The following PRKAR1B variants were observed in gnomAD, a reference collection of about 807,000 sequenced individuals.
The protein encoded by PRKAR1B is cAMP-dependent protein kinase type I-beta regulatory subunit.
A neutral mutation model predicts 46.5 loss-of-function variants in PRKAR1B; 22 were observed. The ratio of observed to expected loss-of-function variants is 0.47; its 90% CI spans 0.34 to 0.68. PRKAR1B has a LOEUF of 0.68. PRKAR1B is among the 30% of genes least tolerant of loss of function. The pLI is 0.01. For missense variants in PRKAR1B, 445 were observed against 535.6 expected, an observed-to-expected ratio of 0.83 and a Z score of 1.67; for synonymous variants, 259 against 217.7, an observed-to-expected ratio of 1.19 and a Z score of -1.67.
chr7:718,108 G>A (rs1780942277), intron 1 of PRKAR1B, among the ~76,000 whole-genome samples: 1 of 151,984 alleles, frequency 6.6e-6, no homozygotes, highest in Non-Finnish European at 1.5e-5. Flanking sequence ...AAGTGCACTT[G>A]GGAACGGTCC....
chr7:556,019 C>G lies in PRKAR1B; in HGVS notation c.892-4549G>C. 1.3e-5 allele frequency among the ~76,000 whole-genome samples: 2 copies of G among 152,224 alleles called. 1 individual carries two copies. The highest frequency in any genetic ancestry group is 2.9e-5 in the Non-Finnish European group (2 of 68,036). ...CTATGCTCATCCCAGCAGTGCGGCC[C>G]CTCCGGGCCCCTGTCTCCCTCTTGC... On this transcript the variant is annotated intron_variant, in intron 9 of 10. Coordinates refer to ENST00000537384, the MANE Select transcript of PRKAR1B (RefSeq NM_001164760.2).
chr7:721,087 C>CT (rs1338929445), intron 1 of PRKAR1B, among the ~76,000 whole-genome samples: 3 of 152,184 alleles, frequency 2.0e-5, no homozygotes, highest in African/African-American at 7.2e-5. Flanking sequence ...ACCCATCGGT[C>CT]TATCGGCATC....
At chr7:588,225 TC>T (rs924235196) in intron 7 of PRKAR1B, among the ~76,000 whole-genome samples, 4 of 146,276 alleles carry the variant, frequency 2.7e-5, no homozygotes, top group African/African-American at 1.1e-4. Context: ...ACACCCACCC[TC>T]CCCTGCCTTC....
chr7:564,374 G>A (rs1779008066), intron 9 of PRKAR1B, among the ~76,000 whole-genome samples: 1 of 152,174 alleles, frequency 6.6e-6, no homozygotes, highest in Non-Finnish European at 1.5e-5. Context: ...CTCAACCTCC[G>A]CCCTTGCTCC....
intron 9 of PRKAR1B, among the ~76,000 whole-genome samples, chr7:564,435 C>T (rs546259693): frequency 5.3e-5 from 8 of 152,370 alleles, no homozygotes; most frequent in African/African-American, 1.2e-4. Context: ...CTCCGTGGCT[C>T]GAAGCTTTGC....
chr7:633,420 G>A (rs1033762968), intron 4 of PRKAR1B, among the ~76,000 whole-genome samples: 1 of 152,132 alleles, frequency 6.6e-6, no homozygotes, highest in Non-Finnish European at 1.5e-5. Context: ...CCCACGACTT[G>A]GGAGCCATAT....
chr7:708,315 G>A (rs1043384598), intron 2 of PRKAR1B, among the ~76,000 whole-genome samples: 2 of 152,152 alleles, frequency 1.3e-5, no homozygotes, highest in East Asian at 3.8e-4. Context: ...AACTGTGGGA[G>A]GAGACATTTC....
intron 4 of PRKAR1B, among the ~76,000 whole-genome samples, chr7:642,791 A>G (rs1784458412): frequency 6.6e-6 from 1 of 151,114 alleles, no homozygotes; most frequent in Non-Finnish European, 1.5e-5. Context: ...ACCCCAGTCA[A>G]CCCCATTTCC....
chr7:572,114 C>T (rs1358326820), intron 9 of PRKAR1B, among the ~76,000 whole-genome samples: 3 of 152,184 alleles, frequency 2.0e-5, no homozygotes, highest in Non-Finnish European at 2.9e-5. Flanking sequence ...CCGAGGCTGA[C>T]GGCAGGTGCA....
At chr7:603,498 AG>A (rs1781768369) in intron 6 of PRKAR1B, among the ~76,000 whole-genome samples, 1 of 152,172 alleles carries the variant, frequency 6.6e-6, no homozygotes, top group South Asian at 2.1e-4. Flanking sequence ...CCCACACCAG[AG>A]CAGGCACCAG....
chr7:647,315 C>G (rs897812206), intron 4 of PRKAR1B, among the ~76,000 whole-genome samples: 1 of 152,126 alleles, frequency 6.6e-6, no homozygotes, highest in Non-Finnish European at 1.5e-5. Context: ...TGTCCCGTCT[C>G]CAGCCCACCC....
rs867760815 is a variant in PRKAR1B at position 712,602 on chromosome 7, G to T, written c.-22-1075C>A. 115 of 22,616 alleles carry T rather than the reference G, an allele frequency of 5.1e-3. 1 individual carries two copies. Among genetic ancestry groups the T allele is most frequent in the African/African-American group, 0.018 (107 of 5,948 alleles). The allele number at this position is 22,616 out of a possible 1,614,324, so 1.4% of individuals were successfully genotyped here. A position where few individuals can be genotyped will look rare whatever the true frequency, so the allele number is the denominator to read the frequency against. ...GCCTGCAGCCCGTCTCCCCCCGACC[G>T]CCTCCCCGCGGGGCCCCCAACCCCG... is the stretch of plus-strand genomic sequence containing the variant. On this transcript the variant is annotated intron_variant, in intron 1 of 10. Transcript: ENST00000537384.
chr7:702,605 C>T (rs528641596), intron 2 of PRKAR1B, among the ~76,000 whole-genome samples: 45 of 152,180 alleles, frequency 3.0e-4, no homozygotes, highest in South Asian at 2.3e-3. Context: ...AGGCGGATCA[C>T]GAGGTCAGGA....
At chr7:726,841 G>A in intron 1 of PRKAR1B, 1 of 1,326,722 alleles carries the variant, frequency 7.5e-7, no homozygotes, top group Non-Finnish European at 9.6e-7. Context: ...GCTGGAGGCC[G>A]ACAGCAAGCC....
intron 9 of PRKAR1B, among the ~76,000 whole-genome samples, chr7:558,039 C>T (rs537145216): frequency 9.2e-5 from 14 of 152,134 alleles, no homozygotes; most frequent in African/African-American, 2.7e-4. Context: ...TCAGCTCAGA[C>T]GTAGTGGCTC....
At chr7:609,397 C>T (rs1402811359) in intron 4 of PRKAR1B, among the ~76,000 whole-genome samples, 2 of 152,160 alleles carry the variant, frequency 1.3e-5, no homozygotes, top group African/African-American at 4.8e-5. Context: ...TGTGTACCCC[C>T]CACCACCCAG....
At chr7:642,412 T>C (rs1203516697) in intron 4 of PRKAR1B, among the ~76,000 whole-genome samples, 1 of 152,196 alleles carries the variant, frequency 6.6e-6, no homozygotes, top group Non-Finnish European at 1.5e-5. Context: ...ATATGAATTC[T>C]ACCTCTGTAA....
At chr7:551,324 C>G in intron 10 of PRKAR1B, 65 bp downstream of exon 10, 1 of 1,478,168 alleles carries the variant, frequency 6.8e-7, no homozygotes, top group Admixed American at 2.0e-5. Context: ...ACCTCCAGGC[C>G]CCTCCCGAGA....
Position 680,698 on chromosome 7 carries a change from T to C in PRKAR1B, c.206A>G (p.Gln69Arg). The stretch of plus-strand genomic sequence containing the variant: ...GGAGTCCGACTGTGAGTTTGACTTT[T>C]GCCGCGCCAAAATCTGCCTGTTTTC... ...KEENRQILAR[Q>R]KSNSQSDSHD... The change falls in exon 3 of 11, where the codon CAA (glutamine) becomes CGA (arginine). Residue 69 changes from glutamine (Q) to arginine (R), a missense_variant. By Grantham distance (43) the Gln-to-Arg change is conservative. This residue lies in a region of PRKAR1B where 155 missense variants were observed against 127.5 expected (regional missense o/e 1.22). Transcript: ENST00000537384. 1 of 1,613,948 alleles carries C rather than the reference T, an allele frequency of 6.2e-7. No homozygotes were observed. Among genetic ancestry groups the C allele is most frequent in the African/African-American group, 1.3e-5 (1 of 75,052 alleles).
Sources: gnomAD v4.1 joint callset for allele counts (sites outside exome capture counted in the v4.1 genomes callset) on GRCh38, gnomAD v4.1.1 for gene constraint, gnomAD v4.1.1 regional missense constraint, MANE v1.5 for transcripts, NCBI Gene and HGNC (gene_info 2026-07-23, HGNC 2026-07-21) for gene names.